The following DAB1 variants were observed in gnomAD, a reference collection of about 807,000 sequenced individuals.
The protein encoded by DAB1 is disabled homolog 1.
Under a neutral mutation model 64.6 loss-of-function variants are expected in DAB1, and 15 were observed. That is an observed-to-expected ratio of 0.23 (90% CI 0.16 to 0.36). DAB1 has a LOEUF of 0.36. DAB1 is among the 10% of genes least tolerant of loss of function. The pLI, the probability that DAB1 is intolerant of heterozygous loss-of-function variation, is 1.00. For missense variants in DAB1, 596 were observed against 706.7 expected (o/e 0.84, Z 1.78); for synonymous variants, 235 against 251.9 (o/e 0.93, Z 0.64).
At position 57,176,979 on chromosome 1, in the gene DAB1, A is replaced by C. The variant is rs1406984791; in HGVS notation, c.68-31550T>G. Among the ~76,000 whole-genome samples, 394 of 150,568 alleles carry C rather than the reference A, an allele frequency of 2.6e-3. 10 individuals are homozygous for C. Among genetic ancestry groups the C allele is most frequent in the African/African-American group, 8.6e-3 (352 of 40,976 alleles). On this transcript the variant is annotated intron_variant, in intron 2 of 14. Transcript: ENST00000371236. Reference sequence around the variant, plus strand: ...AAGAAGCAGCAGCAGATATAAAAAAAAAAAAAAAAAAAAGCCCTCAGACTA... The same window carrying C: ...AAGAAGCAGCAGCAGATATAAAAAACAAAAAAAAAAAAAGCCCTCAGACTA...
intron 5 of DAB1, among the ~76,000 whole-genome samples, chr1:57,890,842 A>G (rs1350892686): frequency 2.0e-5 from 3 of 152,184 alleles, no homozygotes; most frequent in African/African-American, 7.2e-5. Flanking sequence ...TTCTGGCACA[A>G]TGGACTGTAT....
At chr1:57,395,289 G>T (rs1287283571) in intron 1 of DAB1, among the ~76,000 whole-genome samples, 1 of 152,122 alleles carries the variant, frequency 6.6e-6, no homozygotes, top group African/African-American at 2.4e-5. Context: ...GCTTCCCAAA[G>T]CGCTGGGATT....
At chr1:57,761,121 C>T (rs1294361125) in intron 6 of DAB1, among the ~76,000 whole-genome samples, 1 of 152,168 alleles carries the variant, frequency 6.6e-6, no homozygotes, top group African/African-American at 2.4e-5. Context: ...ATGGCATTAA[C>T]TAATATTAAG....
intron 1 of DAB1, among the ~76,000 whole-genome samples, chr1:57,355,740 A>G (rs1026755590): frequency 6.6e-6 from 1 of 152,090 alleles, no homozygotes; most frequent in Non-Finnish European, 1.5e-5. Flanking sequence ...TGGGAGTCAT[A>G]TGAAATGGGT....
chr1:58,147,306 C>CAAA (rs1192982112), intron 5 of DAB1, among the ~76,000 whole-genome samples: 9 of 41,684 alleles, frequency 2.2e-4, no homozygotes, highest in South Asian at 8.2e-4. Flanking sequence ...GACTCCGTCT[C>CAAA]AAAAAAAAAA....
intron 3 of DAB1, chr1:58,480,797 T>A: frequency 2.0e-6 from 1 of 511,760 alleles, no homozygotes; most frequent in Non-Finnish European, 3.3e-6. Context: ...TACATCAATA[T>A]TTCATGAAAA....
intron 3 of DAB1, among the ~76,000 whole-genome samples, chr1:58,417,924 T>C (rs552278272): frequency 1.3e-5 from 2 of 152,298 alleles, no homozygotes; most frequent in African/African-American, 4.8e-5. Context: ...TCTCACACAA[T>C]GAAACTATCA....
At chr1:58,493,182 T>C (rs1293661923) in intron 3 of DAB1, among the ~76,000 whole-genome samples, 2 of 151,956 alleles carry the variant, frequency 1.3e-5, no homozygotes, top group Non-Finnish European at 2.9e-5. Context: ...ATTATCTCAA[T>C]AGATGCAGAA....
chr1:58,431,184 G>T (rs1644866724), intron 3 of DAB1, among the ~76,000 whole-genome samples: 1 of 152,090 alleles, frequency 6.6e-6, no homozygotes, highest in Non-Finnish European at 1.5e-5. Flanking sequence ...ACCAAAAATG[G>T]CTTCTCTGTG....
upstream of DAB1, among the ~76,000 whole-genome samples, chr1:57,425,281 T>G (rs900082643): frequency 2.0e-5 from 3 of 152,150 alleles, no homozygotes; most frequent in African/African-American, 7.2e-5. Context: ...TTACTCTTTT[T>G]GGGGCTACAC....
At chr1:58,062,929 G>C (rs775227409) in intron 5 of DAB1, among the ~76,000 whole-genome samples, 1 of 152,210 alleles carries the variant, frequency 6.6e-6, no homozygotes, top group African/African-American at 2.4e-5. Flanking sequence ...GAGAAGGCCA[G>C]AGCCAAACTC....
intron 5 of DAB1, among the ~76,000 whole-genome samples, chr1:57,909,939 C>T (rs1010662412): frequency 1.3e-5 from 2 of 152,172 alleles, no homozygotes; most frequent in African/African-American, 4.8e-5. Flanking sequence ...CAGCACCTCA[C>T]ATATTTATAT....
chr1:57,964,855 G>A (rs977913299), intron 5 of DAB1, among the ~76,000 whole-genome samples: 20 of 152,144 alleles, frequency 1.3e-4, no homozygotes, highest in Non-Finnish European at 2.9e-5. Flanking sequence ...CACTGTCTAG[G>A]GGAAGATAGG....
intron 7 of DAB1, among the ~76,000 whole-genome samples, chr1:57,627,451 G>A (rs1645935763): frequency 6.6e-6 from 1 of 152,112 alleles, no homozygotes; most frequent in Admixed American, 6.5e-5. Flanking sequence ...TACCATTGCT[G>A]GAACTATTAC....
chr1:58,369,501 C>G (rs1644246245), intron 3 of DAB1, among the ~76,000 whole-genome samples: 1 of 152,174 alleles, frequency 6.6e-6, no homozygotes, highest in African/African-American at 2.4e-5. Context: ...TCCATGACAT[C>G]TTAGAGTTAG....
At chr1:58,306,799 C>T (rs1182256117) in intron 4 of DAB1, among the ~76,000 whole-genome samples, 3 of 152,182 alleles carry the variant, frequency 2.0e-5, no homozygotes, top group Non-Finnish European at 2.9e-5. Flanking sequence ...TATTAATGCC[C>T]ACAGTATTGA....
chr1:57,047,819 G>C (rs1391970522), intron 9 of DAB1, among the ~76,000 whole-genome samples: 1 of 152,142 alleles, frequency 6.6e-6, no homozygotes, highest in Non-Finnish European at 1.5e-5. Context: ...TGAGCATGGA[G>C]ACCTGCAGGC....
intron 5 of DAB1, among the ~76,000 whole-genome samples, chr1:57,944,249 C>G (rs1557569449): frequency 6.6e-6 from 1 of 152,118 alleles, no homozygotes; most frequent in South Asian, 2.1e-4. Context: ...GCCTGGTACC[C>G]TGTTCCTTGA....
intron 1 of DAB1, among the ~76,000 whole-genome samples, chr1:57,405,018 T>C (rs150572079): frequency 6.4e-3 from 972 of 152,334 alleles, no homozygotes; most frequent in South Asian, 0.012. Context: ...TGGTTTGAAA[T>C]GTGCATATTT....
Sources: gnomAD v4.1 joint callset for allele counts (sites outside exome capture counted in the v4.1 genomes callset) on GRCh38, gnomAD v4.1.1 for gene constraint, MANE v1.5 for transcripts, NCBI Gene and HGNC (gene_info 2026-07-23, HGNC 2026-07-21) for gene names.